The following SRC variants were observed in gnomAD, a reference collection of about 807,000 sequenced individuals.
SRC encodes the protein SRC proto-oncogene, non-receptor tyrosine kinase.
A neutral mutation model predicts 62.9 loss-of-function variants in SRC; 13 were observed. The ratio of observed to expected loss-of-function variants is 0.21; its 90% confidence interval spans 0.13 to 0.33. The LOEUF is 0.33. Ranked by LOEUF, SRC falls within the 10% of genes least tolerant of loss-of-function variation. SRC has a pLI of 1.00. For missense variants in SRC, 457 were observed against 737.3 expected (o/e 0.62, Z 4.40); for synonymous variants, 302 against 317.5 (o/e 0.95, Z 0.52).
chr20:37,364,255 T>A (rs1304319259), intron 1 of SRC, among the ~76,000 whole-genome samples: 1 of 151,808 alleles, frequency 6.6e-6, no homozygotes, highest in African/African-American at 2.4e-5. Flanking sequence ...TGGTGCTGTG[T>A]CTTATGAGCT....
At chr20:37,374,953 C>A (rs2147004161) in intron 2 of SRC, among the ~76,000 whole-genome samples, 1 of 150,384 alleles carries the variant, frequency 6.6e-6, no homozygotes, top group East Asian at 1.9e-4. Context: ...TTTTTTGAGA[C>A]AGAGTCTCAC....
intron 9 of SRC, among the ~76,000 whole-genome samples, chr20:37,399,821 C>T (rs1568645067): frequency 6.6e-6 from 1 of 152,236 alleles, no homozygotes; most frequent in South Asian, 2.1e-4. Flanking sequence ...GCTGGGATTA[C>T]AGGCGTGAGC....
intron 5 of SRC, chr20:37,386,521 G>A (rs1316525006): frequency 5.6e-6 from 4 of 709,176 alleles, no homozygotes; most frequent in Non-Finnish European, 7.8e-6. Flanking sequence ...GGGGTGCTTC[G>A]CGGGGGGTGG....
chr20:37,369,404 C>A (rs1034196302), intron 2 of SRC, among the ~76,000 whole-genome samples: 4 of 152,142 alleles, frequency 2.6e-5, no homozygotes, highest in Non-Finnish European at 5.9e-5. Flanking sequence ...TTGATGCTAT[C>A]ATAAATTTCC....
Position 37,402,452 on chromosome 20 carries a change from G to T in SRC, c.1134G>T (p.Ala378=). The change falls in exon 12 of 14, where the codon GCG becomes GCT. Residue 378 remains alanine, a synonymous_variant. Transcript: ENST00000373578. This position sits in a 1 kb window ranked among gnomAD's most constrained non-coding sequence, Gnocchi z 6.2. ...GCCTGCAGATCGCCTCAGGCATGGC[G>T]TACGTGGAGCGGATGAACTACGTCC... ...DMAAQIASGM[A]YVERMNYVHR... 6.2e-7 allele frequency: 1 copy of T among 1,613,760 alleles called. No homozygotes were observed. Among genetic ancestry groups the T allele is most frequent in the Non-Finnish European group, 8.5e-7 (1 of 1,179,900 alleles).
intron 7 of SRC, among the ~76,000 whole-genome samples, chr20:37,395,881 G>T (rs2070637319): frequency 6.6e-6 from 1 of 152,246 alleles, no homozygotes; most frequent in Admixed American, 6.5e-5. Flanking sequence ...GATAGGGCCA[G>T]CAACCCCTCC....
At chr20:37,364,340 G>A (rs771879357) in intron 1 of SRC, among the ~76,000 whole-genome samples, 13 of 152,178 alleles carry the variant, frequency 8.5e-5, no homozygotes, top group Non-Finnish European at 1.3e-4. Context: ...CCACCACAGA[G>A]GGTTGGGGTG....
intron 1 of SRC, among the ~76,000 whole-genome samples, chr20:37,355,399 G>A (rs1287861030): frequency 2.0e-5 from 3 of 152,220 alleles, no homozygotes; most frequent in South Asian, 4.2e-4. Context: ...TCCCCCCTCC[G>A]CCCACTCCAC....
chr20:37,356,533 G>A (rs1362527463), intron 1 of SRC, among the ~76,000 whole-genome samples: 1 of 151,950 alleles, frequency 6.6e-6, no homozygotes, highest in African/African-American at 2.4e-5. Flanking sequence ...GGGGCAGGGT[G>A]GGGAGCTTCT....
chr20:37,391,888 C>T (rs2070555896), intron 5 of SRC, among the ~76,000 whole-genome samples: 1 of 152,156 alleles, frequency 6.6e-6, no homozygotes, highest in South Asian at 2.1e-4. Flanking sequence ...TGCTGGGCTA[C>T]TCTGACCTGG....
chr20:37,393,766 G>C, intron 5 of SRC, 129 bp from the exon 6 acceptor site: 1 of 660,690 alleles, frequency 1.5e-6, no homozygotes, highest in South Asian at 1.8e-5. Flanking sequence ...ACTCACGCTG[G>C]CCCCACCACC....
Position 37,379,844 on chromosome 20 carries a change from C to T in SRC, c.-172-2775C>T, listed in dbSNP as rs184919215. Among the ~76,000 whole-genome samples, 404 of 140,638 alleles carry T rather than the reference C, an allele frequency of 2.9e-3. 3 individuals are homozygous for T. Among genetic ancestry groups the T allele is most frequent in the African/African-American group, 0.01 (383 of 37,118 alleles). 92.3% of individuals were successfully genotyped at this position (140,638 alleles called of 152,430 possible). A position where few individuals can be genotyped will look rare whatever the true frequency, so the allele number is the denominator to read the frequency against. On this transcript the variant is annotated intron_variant, in intron 2 of 13. Transcript: ENST00000373578. ...CCGGGAGGCGGAGGTTGCAGTGAGC[C>T]GAGATCGCGCCACTGCACTCCAGCC...
chr20:37,400,303 T>G lies in SRC; in HGVS notation c.1039+9T>G, dbSNP rs1372740972. ...GGAGTACATGAGCAAGGGTGAGTCC[T>G]GGGCGGCCGGGGCAGGGGGCAGGGG... On this transcript the variant is annotated intron_variant, in intron 10 of 13. Coordinates refer to ENST00000373578, the MANE Select transcript of SRC (RefSeq NM_198291.3). 1 of 1,601,556 alleles carries G rather than the reference T, an allele frequency of 6.2e-7. No individual in the cohort carries two copies. Among genetic ancestry groups the G allele is most frequent in the African/African-American group, 1.3e-5 (1 of 74,612 alleles).
chr20:37,360,400 T>A (rs527376923), intron 1 of SRC, among the ~76,000 whole-genome samples: 31 of 152,108 alleles, frequency 2.0e-4, no homozygotes, highest in African/African-American at 7.5e-4. Context: ...GTTTTTAAAA[T>A]TTTTAATTTG....
intron 4 of SRC, among the ~76,000 whole-genome samples, chr20:37,385,060 C>T (rs1307409003): frequency 6.6e-6 from 1 of 152,236 alleles, no homozygotes; most frequent in Non-Finnish European, 1.5e-5. Context: ...GTCACAGACA[C>T]CCGCAGACAC....
intron 1 of SRC, among the ~76,000 whole-genome samples, chr20:37,359,649 G>A (rs1490283541): frequency 6.6e-6 from 1 of 152,172 alleles, no homozygotes; most frequent in Non-Finnish European, 1.5e-5. Flanking sequence ...GTGAGAAAGG[G>A]GAAGAACAGG....
At chr20:37,401,355 C>T (rs547851774) in intron 10 of SRC, among the ~76,000 whole-genome samples, 161 of 152,216 alleles carry the variant, frequency 1.1e-3, no homozygotes, top group African/African-American at 3.6e-3. Flanking sequence ...TGTTGCTGAG[C>T]GGGACTCCGC....
Position 37,384,616 on chromosome 20 carries a change from C to T in SRC, c.250+213C>T, listed in dbSNP as rs1600997330. Among the ~76,000 whole-genome samples the T allele has an allele frequency of 5.7e-5, 2 of 35,102 alleles. No individual in the cohort carries two copies. Among genetic ancestry groups the T allele is most frequent in the East Asian group, 1.8e-3 (2 of 1,108 alleles). 23.0% of individuals were successfully genotyped at this position (35,102 alleles called of 152,430 possible). On this transcript the variant is annotated intron_variant, in intron 4 of 13. Coordinates refer to ENST00000373578, the MANE Select transcript of SRC (RefSeq NM_198291.3). The surrounding 1 kb of genome is among the most constrained non-coding windows in gnomAD (Gnocchi z 6.7). ...GCCGCTGGCTTTGGGGTGGAGCAAG[C>T]GCAAAAGACACGGGGTGTGGTTAAT...
chr20:37,359,804 G>A (rs533657175), intron 1 of SRC, among the ~76,000 whole-genome samples: 5 of 152,304 alleles, frequency 3.3e-5, no homozygotes, highest in Admixed American at 6.5e-5. Flanking sequence ...GGCTGAGGGT[G>A]GAGGTGGGTG....
Sources: allele counts gnomAD v4.1 joint callset (sites outside exome capture counted in the v4.1 genomes callset), GRCh38; gene constraint gnomAD v4.1.1; non-coding constraint Gnocchi (gnomAD v3.1); transcripts MANE v1.5; gene names NCBI Gene and HGNC (gene_info 2026-07-23, HGNC 2026-07-21).